The following PGS1 variants were observed in gnomAD, a reference collection of about 807,000 sequenced individuals.
PGS1 encodes the protein phosphatidylglycerophosphate synthase 1.
A neutral mutation model predicts 58.3 loss-of-function variants in PGS1; 44 were observed. The observed-to-expected ratio is 0.75, with a 90% CI of 0.59 to 0.97. The LOEUF (loss-of-function observed/expected upper bound fraction) is 0.97, where lower values mean the gene tolerates loss of function less well. Among genes scored for constraint, PGS1 ranks in the 50% least tolerant of loss-of-function variants. The pLI is 0.00. For missense variants in PGS1, 684 were observed against 731.1 expected (o/e 0.94, Z 0.74); for synonymous variants, 330 against 311.0 (o/e 1.06, Z -0.64).
chr17:78,396,065 G>A (rs982888991), intron 2 of PGS1, among the ~76,000 whole-genome samples: 1 of 152,228 alleles, frequency 6.6e-6, no homozygotes, highest in African/African-American at 2.4e-5. Context: ...TAATGGCCGT[G>A]TTGCATTTTA....
intron 9 of PGS1, chr17:78,419,950 T>TGCTCTCCCTTCC (rs1265720329): frequency 8.3e-7 from 1 of 1,200,616 alleles, no homozygotes; most frequent in Non-Finnish European, 1.1e-6. Flanking sequence ...AGTCCCCTTC[T>TGCTCTCCCTTCC]GCTCTCCCTT....
rs370239107 is a variant in PGS1 at position 78,400,868 on chromosome 17, G to A, written c.880+13G>A. On this transcript the variant is annotated intron_variant, in intron 6 of 9. Transcript: ENST00000262764. The surrounding 1 kb of genome is among the most constrained non-coding windows in gnomAD (Gnocchi z 4.4). ...CATCCTTACAAAGGTAGGGGCTGCC[G>A]CTGACACCCTTCTATGGCTGTGGGT... is the stretch of plus-strand genomic sequence containing the variant. 6.4e-6 allele frequency: 10 copies of A among 1,574,624 alleles called. No homozygotes were observed. The highest frequency in any genetic ancestry group is 2.3e-5 in the South Asian group (2 of 85,886).
chr17:78,423,872 C>T (rs1453761001), intron 9 of PGS1, 189 bp from the exon 10 acceptor site: 3 of 1,611,128 alleles, frequency 1.9e-6, no homozygotes, highest in Non-Finnish European at 2.5e-6. Flanking sequence ...TGTGGTCCAG[C>T]CCCAGGGAGT....
chr17:78,395,218 T>C (rs1174080418), intron 2 of PGS1, among the ~76,000 whole-genome samples: 3 of 152,252 alleles, frequency 2.0e-5, no homozygotes, highest in African/African-American at 7.2e-5. Flanking sequence ...CAGTCAGATA[T>C]GCTTCGGTTG....
intron 3 of PGS1, among the ~76,000 whole-genome samples, 166 bp downstream of exon 3, chr17:78,396,551 G>A (rs2083241856): frequency 6.6e-6 from 1 of 152,176 alleles, no homozygotes; most frequent in Non-Finnish European, 1.5e-5. Flanking sequence ...GGAGGGCCTG[G>A]TGAGGAGAGC....
rs2085509490 is a variant in PGS1, at chr17:78,419,582, TCCTCTGCCACCTTCGAGCAG to T, written c.1591_1610del (p.Ser531GlufsTer69). ...GCTCTACCTGAGGTCAGGTGTGGTG[TCCTCTGCCACCTTCGAGCAG>T]CCGAGTCGCCAGGTGAAGCTGTGGG... On this transcript the variant is annotated frameshift_variant, in exon 9 of 10. Transcript: ENST00000262764. LOFTEE classifies it high-confidence loss of function. 3.7e-6 allele frequency: 6 copies of T among 1,614,086 alleles called. No homozygotes were observed. Among genetic ancestry groups the T allele is most frequent in the Non-Finnish European group, 5.1e-6 (6 of 1,179,970 alleles).
intron 1 of PGS1, among the ~76,000 whole-genome samples, chr17:78,379,141 G>A (rs894013641): frequency 6.6e-6 from 1 of 152,232 alleles, no homozygotes. Context: ...GACTGTGTGT[G>A]CGTTCAGGGA....
chr17:78,423,988 T>C (rs746936275), intron 9 of PGS1, 73 bp from the exon 10 acceptor site: 6 of 1,613,962 alleles, frequency 3.7e-6, no homozygotes, highest in Non-Finnish European at 5.1e-6. Flanking sequence ...GGTCCAGACA[T>C]AGGTGGGGCC....
At chr17:78,385,327 C>T (rs527800547) in intron 1 of PGS1, among the ~76,000 whole-genome samples, 119 of 149,354 alleles carry the variant, frequency 8.0e-4, no homozygotes, top group African/African-American at 2.6e-3. Flanking sequence ...CTCGTACTTT[C>T]GCCCAGGTCA....
intron 7 of PGS1, among the ~76,000 whole-genome samples, chr17:78,414,356 G>A (rs1302842438): frequency 2.6e-5 from 4 of 152,290 alleles, no homozygotes; most frequent in Middle Eastern, 6.8e-3. Context: ...CGTGTTGCGC[G>A]CTGAGGTGGC....
intron 9 of PGS1, among the ~76,000 whole-genome samples, chr17:78,422,747 G>C (rs75136504): frequency 2.6e-5 from 4 of 151,094 alleles, no homozygotes; most frequent in Non-Finnish European, 4.4e-5. Flanking sequence ...TAAGATTGCC[G>C]TCCTGGGATT....
At position 78,396,331 on chromosome 17, in the gene PGS1, G is replaced by A. The variant is rs772937554; in HGVS notation, c.357G>A (p.Arg119=). 1 of 1,613,708 alleles carries A rather than the reference G, an allele frequency of 6.2e-7. No homozygotes were observed. The highest frequency in any genetic ancestry group is 8.5e-7 in the Non-Finnish European group (1 of 1,179,772). The part of the protein sequence containing the change: ...LMKGQIRVAK[R]RVVMASLYLG... ...AGGGGCAGATAAGAGTAGCCAAGAGGCGGGTCGTGATGGCATCCCTCTACC... is the reference window on the plus strand; with the variant it reads ...AGGGGCAGATAAGAGTAGCCAAGAGACGGGTCGTGATGGCATCCCTCTACC... Residue 119 remains arginine, a synonymous_variant, in exon 3 of 10, where the codon AGG becomes AGA. Coordinates refer to ENST00000262764, the MANE Select transcript of PGS1 (RefSeq NM_024419.5).
At chr17:78,407,169 G>A (rs2084226259) in intron 7 of PGS1, among the ~76,000 whole-genome samples, 1 of 152,120 alleles carries the variant, frequency 6.6e-6, no homozygotes, top group African/African-American at 2.4e-5. Flanking sequence ...TGCCCATGTG[G>A]GGGATGGGAT....
intron 1 of PGS1, among the ~76,000 whole-genome samples, chr17:78,389,274 C>T (rs1449304193): frequency 1.3e-5 from 2 of 151,778 alleles, no homozygotes; most frequent in African/African-American, 2.4e-5. Context: ...GCAACCTCCG[C>T]CTCCCAGTTC....
At chr17:78,416,929 C>T (rs1309150509) in intron 8 of PGS1, among the ~76,000 whole-genome samples, 1 of 152,202 alleles carries the variant, frequency 6.6e-6, no homozygotes, top group Non-Finnish European at 1.5e-5. Context: ...CCACCGTGGG[C>T]TCCCTGCTCT....
chr17:78,408,187 C>T (rs2084321280), intron 7 of PGS1, among the ~76,000 whole-genome samples: 2 of 152,210 alleles, frequency 1.3e-5, no homozygotes, highest in South Asian at 4.1e-4. Context: ...GAACACTCAA[C>T]TATTTAAAGG....
At chr17:78,404,799 T>C (rs573780577) in intron 7 of PGS1, among the ~76,000 whole-genome samples, 72 of 152,240 alleles carry the variant, frequency 4.7e-4, no homozygotes, top group African/African-American at 1.5e-3. Context: ...TAGATGGGAT[T>C]ACAGGCCTGT....
chr17:78,421,713 C>G (rs1040025243), intron 9 of PGS1: 1 of 152,246 alleles, frequency 6.6e-6, no homozygotes, highest in Non-Finnish European at 1.5e-5. Context: ...TCTGTGGGAC[C>G]AGAGTAAATA....
chr17:78,403,600 A>G lies in PGS1; in HGVS notation c.913A>G (p.Lys305Glu). Residue 305 changes from lysine to glutamate, a missense_variant, in exon 7 of 10, where the codon AAG becomes GAG. By Grantham distance (56) the Lys-to-Glu change is moderately conservative (BLOSUM62 1). Transcript: ENST00000262764. ...GGCCGAGTACTGCAAGGCAGCCAAT[A>G]AGAGGGTCATGGATGTGATCAACTC... ...DRAEYCKAANKRVMDVINSAR... is the reference protein window; with the variant it reads ...DRAEYCKAANERVMDVINSAR... 1 of 1,613,300 alleles carries G rather than the reference A, an allele frequency of 6.2e-7. No homozygotes were observed. Among genetic ancestry groups the G allele is most frequent in the Non-Finnish European group, 8.5e-7 (1 of 1,179,336 alleles).
Sources: allele counts gnomAD v4.1 joint callset (sites outside exome capture counted in the v4.1 genomes callset), GRCh38; gene constraint gnomAD v4.1.1; non-coding constraint Gnocchi (gnomAD v3.1); transcripts MANE v1.5; gene names NCBI Gene and HGNC (gene_info 2026-07-23, HGNC 2026-07-21).